The following IL13 variants were observed in gnomAD, a reference collection of about 807,000 sequenced individuals.
The protein encoded by IL13 is interleukin 13.
A neutral mutation model predicts 11.1 loss-of-function variants in IL13; 9 were observed. The ratio of observed to expected loss-of-function variants is 0.81; its 90% CI spans 0.49 to 1.42. The LOEUF (loss-of-function observed/expected upper bound fraction) is 1.42, where lower values mean the gene tolerates loss of function less well. Ranked by LOEUF, IL13 falls within the 40% of genes most tolerant of loss-of-function variation. IL13 has a pLI of 0.00. For missense variants in IL13, 181 were observed against 182.5 expected, an observed-to-expected ratio of 0.99 and a Z score of 0.05; for synonymous variants, 75 against 76.9, an observed-to-expected ratio of 0.97 and a Z score of 0.13.
At chr5:132,658,651 C>G (rs1029327374) in intron 1 of IL13, 2 of 360,746 alleles carry the variant, frequency 5.5e-6, no homozygotes, top group Non-Finnish European at 1.0e-5. Context: ...GAACAGAGGA[C>G]AGCAGAGAAG....
At position 132,660,158 on chromosome 5, in the gene IL13, A is replaced by C. The variant is rs1015724931; in HGVS notation, c.334-17A>C. ...CCTCTGGCGTTCTACTCATGTGCTG[A>C]CCTCTTTGTCCTGCAGCAGTTTTCC... On this transcript the variant is annotated splice_polypyrimidine_tract_variant and intron_variant, in intron 3 of 3. Transcript: ENST00000304506. 6.2e-7 allele frequency: 1 copy of C among 1,612,496 alleles called. No homozygotes were observed. Among genetic ancestry groups the C allele is most frequent in the South Asian group, 1.1e-5 (1 of 90,998 alleles).
chr5:132,660,754 G>C lies in IL13; in HGVS notation c.*472G>C, dbSNP rs765879797. 3 of 166,582 alleles carry C rather than the reference G, an allele frequency of 1.8e-5. No individual in the cohort carries two copies. The highest frequency in any genetic ancestry group is 4.0e-5 in the Non-Finnish European group (3 of 75,336). 10.3% of individuals were successfully genotyped at this position (166,582 alleles called of 1,614,324 possible). On this transcript the variant is annotated 3_prime_UTR_variant, in exon 4 of 4. Transcript: ENST00000304506. ...GGATTGGGGAAGACTGTGGCTGCTA[G>C]CACTTGGAGCCAAGGGTTCAGAGAC...
At chr5:132,657,038 G>A (rs991071143), upstream of IL13, 2 of 153,486 alleles carry the variant, frequency 1.3e-5, no homozygotes, top group African/African-American at 4.8e-5. Flanking sequence ...GTGGGTAGGG[G>A]AGAAATCTTG....
Position 132,659,841 on chromosome 5 carries a change from C to G in IL13, c.333+13C>G. 6.2e-7 allele frequency: 1 copy of G among 1,612,806 alleles called. No individual in the cohort carries two copies. Among genetic ancestry groups the G allele is most frequent in the Non-Finnish European group, 8.5e-7 (1 of 1,179,844 alleles). ...GGTCTCAGCTGGGGTAAGGCATCCC[C>G]CACCCTCTCACACCCACCCTGCACC... On this transcript the variant is annotated intron_variant, in intron 3 of 3. Coordinates refer to ENST00000304506, the MANE Select transcript of IL13 (RefSeq NM_002188.3). This position sits in a 1 kb window ranked among gnomAD's most constrained non-coding sequence, Gnocchi z 4.1.
rs1561669580 is a variant in IL13 at position 132,659,493 on chromosome 5, G to A, written c.228+22G>A. On this transcript the variant is annotated intron_variant, in intron 2 of 3. Transcript: ENST00000304506. The surrounding 1 kb of genome is among the most constrained non-coding windows in gnomAD (Gnocchi z 4.1). ...CATGGTAAGGACCTTTGGGTGCAGG[G>A]AGGATGGGGCAGAGGCTCCAGGCCT... is the stretch of plus-strand genomic sequence containing the variant. 1.2e-6 allele frequency: 2 copies of A among 1,603,240 alleles called. No individual in the cohort carries two copies. Among genetic ancestry groups the A allele is most frequent in the Non-Finnish European group, 1.7e-6 (2 of 1,171,340 alleles).
In IL13 at chr5:132,658,473, A is replaced by G. The variant is rs185375084; in HGVS notation, c.174+113A>G. The G allele has an allele frequency of 5.8e-4, 364 of 632,236 alleles. 2 individuals are homozygous for G. The African/African-American group carries it at 6.4e-3, about 11-fold the overall frequency. The allele number at this position is 632,236 out of a possible 1,614,324, so 39.2% of individuals were successfully genotyped here. A position where few individuals can be genotyped will look rare whatever the true frequency, so the allele number is the denominator to read the frequency against. ...CCTAAGATGCCTGTAGGTCAGGAAA[A>G]ATCTCCATGGACCAAGGCCCGGCCC... is the stretch of plus-strand genomic sequence containing the variant. On this transcript the variant is annotated intron_variant, in intron 1 of 3. Coordinates refer to ENST00000304506, the MANE Select transcript of IL13 (RefSeq NM_002188.3).
In IL13 at chr5:132,659,632, C is replaced by G; in HGVS notation, c.229-92C>G. On this transcript the variant is annotated intron_variant, in intron 2 of 3. Transcript: ENST00000304506. The surrounding 1 kb of genome is among the most constrained non-coding windows in gnomAD (Gnocchi z 4.1). ...CTTCCCGCCCACCACCCAGACTCAC[C>G]TGCGCCAGGCATCTCAGCCCCATCT... is the stretch of plus-strand genomic sequence containing the variant. 3 of 1,597,894 alleles carry G rather than the reference C, an allele frequency of 1.9e-6. No homozygotes were observed. Among genetic ancestry groups the G allele is most frequent in the Non-Finnish European group, 2.6e-6 (3 of 1,169,322 alleles).
upstream of IL13, among the ~76,000 whole-genome samples, chr5:132,656,807 G>T (rs1158616233): frequency 6.6e-6 from 1 of 152,206 alleles, no homozygotes; most frequent in Non-Finnish European, 1.5e-5. Context: ...CAGCAGCTGG[G>T]CTGGGAAGCT....
At chr5:132,657,063 C>T, upstream of IL13, 1 of 154,478 alleles carries the variant, frequency 6.5e-6, no homozygotes, top group Middle Eastern at 3.3e-3. Flanking sequence ...CAACACCCAA[C>T]AGGCAAATGC....
At position 132,660,378 on chromosome 5, in the gene IL13, G is replaced by T; in HGVS notation, c.*96G>T. The T allele has an allele frequency of 6.6e-7, 1 of 1,511,532 alleles. No individual in the cohort carries two copies. The highest frequency in any genetic ancestry group is 2.4e-5 in the East Asian group (1 of 41,376). 93.6% of individuals were successfully genotyped at this position (1,511,532 alleles called of 1,614,324 possible). On this transcript the variant is annotated 3_prime_UTR_variant, in exon 4 of 4. Coordinates refer to ENST00000304506, the MANE Select transcript of IL13 (RefSeq NM_002188.3). ...GATGTCAAAAATGTCTTGGGTAGGC[G>T]GGAAGGAGGGTTAGGGAGGGGTAAA...
chr5:132,660,217 G>A lies in IL13; in HGVS notation c.376G>A (p.Ala126Thr). 6.2e-7 allele frequency: 1 copy of A among 1,614,150 alleles called. No individual in the cohort carries two copies. The highest frequency in any genetic ancestry group is 8.5e-7 in the Non-Finnish European group (1 of 1,180,018). ...LHVRDTKIEV[A>T]QFVKDLLLHL... ...TGTCCGAGACACCAAAATCGAGGTG[G>A]CCCAGTTTGTAAAGGACCTGCTCTT... The change falls in exon 4 of 4, where the codon GCC (alanine) becomes ACC (threonine). Residue 126 changes from alanine to threonine, a missense_variant. Physicochemically the swap from Ala to Thr is moderately conservative, Grantham distance 58 (BLOSUM62 0). Coordinates refer to ENST00000304506, the MANE Select transcript of IL13 (RefSeq NM_002188.3).
chr5:132,658,263 C>G lies in IL13; in HGVS notation c.77C>G (p.Thr26Ser), dbSNP rs1752076731. Residue 26 changes from threonine to serine, a missense_variant, in exon 1 of 4, where the codon ACT becomes AGT. Thr to Ser is a moderately conservative substitution (Grantham distance 58). Coordinates refer to ENST00000304506, the MANE Select transcript of IL13 (RefSeq NM_002188.3). ...ALLLTTVIAL[T>S]CLGGFASPGP... ...TTGTTGACCACGGTCATTGCTCTCA[C>G]TTGCCTTGGCGGCTTTGCCTCCCCA... 4 of 1,609,682 alleles carry G rather than the reference C, an allele frequency of 2.5e-6. No homozygotes were observed. In the East Asian group the frequency reaches 8.9e-5, roughly 36 times the overall value.
chr5:132,658,319 G>C lies in IL13; in HGVS notation c.133G>C (p.Glu45Gln). 1.2e-6 allele frequency: 2 copies of C among 1,612,114 alleles called. No individual in the cohort carries two copies. Among genetic ancestry groups the C allele is most frequent in the Non-Finnish European group, 1.7e-6 (2 of 1,178,296 alleles). ...TGTGCCTCCCTCTACAGCCCTCAGG[G>C]AGCTCATTGAGGAGCTGGTCAACAT... ...GPVPPSTALR[E>Q]LIEELVNITQ... is the part of the protein sequence containing the mutation. The change falls in exon 1 of 4, where the codon GAG (glutamate) becomes CAG (glutamine). Residue 45 changes from glutamate to glutamine, a missense_variant. Transcript: ENST00000304506.
At chr5:132,657,408 T>C (rs949065584), upstream of IL13, among the ~76,000 whole-genome samples, 1 of 152,034 alleles carries the variant, frequency 6.6e-6, no homozygotes, top group Non-Finnish European at 1.5e-5. Flanking sequence ...TTCCAGCCAC[T>C]CTGGAAGCTG....
upstream of IL13, among the ~76,000 whole-genome samples, chr5:132,656,796 C>T (rs1189445342): frequency 6.6e-6 from 1 of 152,150 alleles, no homozygotes; most frequent in African/African-American, 2.4e-5. Flanking sequence ...GGAGTCAGAG[C>T]CAGCAGCTGG....
rs1006517269 is a variant in IL13 at position 132,659,131 on chromosome 5, T to G, written c.175-287T>G. ...CACCCTGGCCCTTCCCGCAGGCCCC[T>G]GTCCTCCTGCCCTGACTATGGCAAG... is the stretch of plus-strand genomic sequence containing the variant. On this transcript the variant is annotated intron_variant, in intron 1 of 3. Transcript: ENST00000304506. This position sits in a 1 kb window ranked among gnomAD's most constrained non-coding sequence, Gnocchi z 4.1. 2.5e-6 allele frequency: 1 copy of G among 404,666 alleles called. No homozygotes were observed. Among genetic ancestry groups the G allele is most frequent in the Non-Finnish European group, 4.7e-6 (1 of 214,702 alleles). The allele number at this position is 404,666 out of a possible 1,614,324, so 25.1% of individuals were successfully genotyped here.
rs916524732 is a variant in IL13, at chr5:132,658,836, C to A, written c.174+476C>A. On this transcript the variant is annotated intron_variant, in intron 1 of 3. Coordinates refer to ENST00000304506, the MANE Select transcript of IL13 (RefSeq NM_002188.3). ...ATGTCTGAGCACTGCTTACACCAGG[C>A]CTGGTGCACGTGCTTTATGTGTCAT... The A allele has an allele frequency of 5.2e-5, 9 of 173,114 alleles. No individual in the cohort carries two copies. In the Middle Eastern group the frequency reaches 0.014, roughly 273 times the overall value. 10.7% of individuals were successfully genotyped at this position (173,114 alleles called of 1,614,324 possible). A position where few individuals can be genotyped will look rare whatever the true frequency, so the allele number is the denominator to read the frequency against.
Position 132,658,270 on chromosome 5 carries a change from T to G in IL13, c.84T>G (p.Leu28=). The G allele has an allele frequency of 6.2e-7, 1 of 1,609,028 alleles. No individual in the cohort carries two copies. Among genetic ancestry groups the G allele is most frequent in the Non-Finnish European group, 8.5e-7 (1 of 1,175,306 alleles). ...LLTTVIALTC[L]GGFASPGPVP... is the part of the protein sequence containing the mutation. ...CCACGGTCATTGCTCTCACTTGCCT[T>G]GGCGGCTTTGCCTCCCCAGGCCCTG... is the stretch of plus-strand genomic sequence containing the variant. The change falls in exon 1 of 4, where the codon CTT becomes CTG. Residue 28 remains leucine (L), a synonymous_variant. Coordinates refer to ENST00000304506, the MANE Select transcript of IL13 (RefSeq NM_002188.3).
In IL13 at chr5:132,660,398, G is replaced by T; in HGVS notation, c.*116G>T. The T allele has an allele frequency of 6.9e-7, 1 of 1,456,478 alleles. No homozygotes were observed. Among genetic ancestry groups the T allele is most frequent in the Non-Finnish European group, 9.1e-7 (1 of 1,100,836 alleles). The allele number at this position is 1,456,478 out of a possible 1,614,324, so 90.2% of individuals were successfully genotyped here. A position where few individuals can be genotyped will look rare whatever the true frequency, so the allele number is the denominator to read the frequency against. ...TAGGCGGGAAGGAGGGTTAGGGAGG[G>T]GTAAAATTCCTTAGCTTAGACCTCA... On this transcript the variant is annotated 3_prime_UTR_variant, in exon 4 of 4. Coordinates refer to ENST00000304506, the MANE Select transcript of IL13 (RefSeq NM_002188.3).
Sources: allele counts gnomAD v4.1 joint callset (sites outside exome capture counted in the v4.1 genomes callset), GRCh38; gene constraint gnomAD v4.1.1; non-coding constraint Gnocchi (gnomAD v3.1); transcripts MANE v1.5; gene names NCBI Gene and HGNC (gene_info 2026-07-23, HGNC 2026-07-21).